KRT7: variants seen among roughly 807,000 people sequenced by gnomAD.
The protein encoded by KRT7 is keratin, type II cytoskeletal 7.
A neutral mutation model predicts 42.8 loss-of-function variants in KRT7; 50 were observed. The observed-to-expected ratio is 1.17, with a 90% CI of 0.93 to 1.48. The LOEUF is 1.48. KRT7 is among the 40% of genes most tolerant of loss of function. The pLI, the probability that KRT7 is intolerant of heterozygous loss-of-function variation, is 0.00. For missense variants in KRT7, 588 were observed against 637.6 expected, an observed-to-expected ratio of 0.92 and a Z score of 0.84; for synonymous variants, 268 against 266.3, an observed-to-expected ratio of 1.01 and a Z score of -0.06.
At chr12:52,252,611 T>C, downstream of KRT7, 5 of 1,163,870 alleles carry the variant, frequency 4.3e-6, no homozygotes, top group Non-Finnish European at 6.0e-6. Context: ...GGTTGCAAAT[T>C]AGTGCTCCCA....
At chr12:52,255,715 G>A (rs1341687891), downstream of KRT7, among the ~76,000 whole-genome samples, 2 of 152,190 alleles carry the variant, frequency 1.3e-5, no homozygotes, top group Non-Finnish European at 2.9e-5. Flanking sequence ...ACCCTGCCCA[G>A]TTCTGGTACC....
chr12:52,238,046 ACAC>A (rs1037427303), intron 3 of KRT7, among the ~76,000 whole-genome samples: 4 of 152,140 alleles, frequency 2.6e-5, no homozygotes, highest in African/African-American at 9.7e-5. Context: ...TCTCTTCAAT[ACAC>A]TGAGCAGTTG....
intron 3 of KRT7, 74 bp downstream of exon 3, chr12:52,237,643 G>A: frequency 2.6e-5 from 34 of 1,333,056 alleles, no homozygotes; most frequent in Non-Finnish European, 3.6e-5. Flanking sequence ...CCTCTCACCT[G>A]AGCAGCCCAT....
chr12:52,249,044 G>C (rs1185158825), downstream of KRT7: 1 of 276,010 alleles, frequency 3.6e-6, no homozygotes, highest in Non-Finnish European at 6.8e-6. Flanking sequence ...ATGGTGGGAT[G>C]GGGTGCTGCT....
downstream of KRT7, among the ~76,000 whole-genome samples, chr12:52,251,547 A>T (rs1942266706): frequency 6.6e-6 from 1 of 152,244 alleles, no homozygotes; most frequent in Non-Finnish European, 1.5e-5. Context: ...ACAAATCTGT[A>T]CAGCATGTGA....
At chr12:52,235,038 G>T in intron 1 of KRT7, 117 bp from the exon 2 acceptor site, 1 of 940,326 alleles carries the variant, frequency 1.1e-6, no homozygotes, top group Non-Finnish European at 1.6e-6. Flanking sequence ...GCCCCAGGCA[G>T]GGAAACAGCC....
At chr12:52,245,336 G>A (rs960656408) in intron 6 of KRT7, 76 bp from the exon 7 acceptor site, 39 of 1,474,944 alleles carry the variant, frequency 2.6e-5, no homozygotes, top group Non-Finnish European at 3.3e-5. Flanking sequence ...CAAGTTGCCC[G>A]GGTGCTCACT....
chr12:52,245,983 C>T (rs1942162746), intron 7 of KRT7: 1 of 265,558 alleles, frequency 3.8e-6, no homozygotes, highest in Non-Finnish European at 7.1e-6. Context: ...GGTTGAGTTT[C>T]ATTAATTGAG....
downstream of KRT7, chr12:52,251,992 C>T (rs1942272221): frequency 3.1e-6 from 2 of 649,472 alleles, no homozygotes; most frequent in Non-Finnish European, 5.7e-6. Flanking sequence ...GAACCCCAAG[C>T]TGTTATTTCA....
At chr12:52,242,663 A>G (rs4495931) in intron 5 of KRT7, among the ~76,000 whole-genome samples, 82,273 of 151,782 alleles carry the variant, frequency 0.54, 22,669 homozygotes, top group African/African-American at 0.58. Context: ...TCTCTTCTCC[A>G]AGACTCACTC....
intron 2 of KRT7, 118 bp from the exon 3 acceptor site, chr12:52,237,389 GGT>G: frequency 1.5e-6 from 1 of 658,936 alleles, no homozygotes; most frequent in East Asian, 2.9e-5. Context: ...TGTTTTTTCA[GGT>G]GTGTCTTTAA....
chr12:52,245,905 C>T, intron 7 of KRT7: 1 of 471,288 alleles, frequency 2.1e-6, no homozygotes, highest in Non-Finnish European at 3.8e-6. Context: ...CATATTTGAT[C>T]CTCAGCACAC....
chr12:52,250,503 TGGCCGCA>T, downstream of KRT7: 1 of 729,226 alleles, frequency 1.4e-6, no homozygotes, highest in Non-Finnish European at 2.4e-6. Context: ...GCCGCTGCTC[TGGCCGCA>T]GGGCGCACAC....
downstream of KRT7, chr12:52,248,951 G>A (rs1292343142): frequency 6.1e-6 from 3 of 494,446 alleles, no homozygotes; most frequent in African/African-American, 4.0e-5. Context: ...TCATGAGGCT[G>A]GGCAGGGGAA....
intron 1 of KRT7, among the ~76,000 whole-genome samples, chr12:52,234,659 C>A (rs896284042): frequency 9.9e-5 from 15 of 152,120 alleles, no homozygotes; most frequent in African/African-American, 3.6e-4. Flanking sequence ...TCCAGTCATA[C>A]CGGCTACTCC....
downstream of KRT7, chr12:52,255,546 T>C (rs1942323595): frequency 2.4e-6 from 1 of 412,592 alleles, no homozygotes; most frequent in Admixed American, 2.7e-5. Flanking sequence ...TGAAGGGAAC[T>C]TGTCCATCCC....
chr12:52,234,868 G>A (rs1941987307), intron 1 of KRT7, among the ~76,000 whole-genome samples: 1 of 152,206 alleles, frequency 6.6e-6, no homozygotes, highest in Non-Finnish European at 1.5e-5. Flanking sequence ...GGGAGGTGGA[G>A]AACACCACCT....
chr12:52,236,233 G>C (rs2121068333), intron 2 of KRT7, among the ~76,000 whole-genome samples: 1 of 149,674 alleles, frequency 6.7e-6, no homozygotes, highest in East Asian at 2.0e-4. Context: ...TAGGGCAAAA[G>C]TCAACAGGAT....
At chr12:52,253,215 G>T, downstream of KRT7, 1 of 1,606,280 alleles carries the variant, frequency 6.2e-7, no homozygotes, top group Middle Eastern at 1.7e-4. Flanking sequence ...TCCCATACCT[G>T]GCACTTGGCG....
Sources: gnomAD v4.1 joint callset for allele counts (sites outside exome capture counted in the v4.1 genomes callset) on GRCh38, gnomAD v4.1.1 for gene constraint, MANE v1.5 for transcripts, NCBI Gene and HGNC (gene_info 2026-07-23, HGNC 2026-07-21) for gene names.